MAJIN: variants seen among roughly 807,000 people sequenced by gnomAD.
The protein encoded by MAJIN is membrane anchored junction protein.
A neutral mutation model predicts 30.2 loss-of-function variants in MAJIN; 27 were observed. The ratio of observed to expected loss-of-function variants is 0.89; its 90% CI spans 0.66 to 1.23. The LOEUF (loss-of-function observed/expected upper bound fraction) is 1.23. Among genes scored for constraint, MAJIN ranks in the 50% most tolerant of loss-of-function variants. The pLI, the probability that MAJIN is intolerant of heterozygous loss-of-function variation, is 0.00. For synonymous variants in MAJIN, 78 were observed against 91.6 expected (o/e 0.85, Z 0.85); for missense variants, 253 against 260.3 (o/e 0.97, Z 0.19).
At chr11:64,952,021 A>G (rs1403414479) in intron 4 of MAJIN, among the ~76,000 whole-genome samples, 1 of 151,498 alleles carries the variant, frequency 6.6e-6, no homozygotes, top group East Asian at 1.9e-4. Context: ...CCAAGTAGCT[A>G]GGATTATAGG....
At position 64,940,565 on chromosome 11, in the gene MAJIN, AG is replaced by A; in HGVS notation, c.546+8del. 6.2e-7 allele frequency: 1 copy of A among 1,611,632 alleles called. No individual in the cohort carries two copies. Among genetic ancestry groups the A allele is most frequent in the Non-Finnish European group, 8.5e-7 (1 of 1,177,690 alleles). ...AAAGGAGAATAAATGGAAATTTCCC[AG>A]GACCTACCTTGTTTCTGGACATCAG... On this transcript the variant is annotated splice_region_variant and intron_variant, in intron 9 of 10. Transcript: ENST00000301896.
chr11:64,939,036 T>G (rs1468511083), intron 10 of MAJIN, among the ~76,000 whole-genome samples: 1 of 152,182 alleles, frequency 6.6e-6, no homozygotes, highest in Non-Finnish European at 1.5e-5. Flanking sequence ...TTAAAGTGAT[T>G]CTCCTGCCTC....
chr11:64,952,572 C>T (rs1945570490), intron 4 of MAJIN, among the ~76,000 whole-genome samples: 1 of 152,168 alleles, frequency 6.6e-6, no homozygotes, highest in Non-Finnish European at 1.5e-5. Context: ...GACGGGGAAA[C>T]AGACAAAGAG....
intron 3 of MAJIN, among the ~76,000 whole-genome samples, chr11:64,955,565 G>A (rs1945617815): frequency 6.6e-6 from 1 of 152,126 alleles, no homozygotes; most frequent in Non-Finnish European, 1.5e-5. Context: ...TTCATACTTG[G>A]AAGTTTGACA....
intron 1 of MAJIN, among the ~76,000 whole-genome samples, chr11:64,963,704 G>T (rs1945762546): frequency 6.6e-6 from 1 of 152,072 alleles, no homozygotes; most frequent in Non-Finnish European, 1.5e-5. Flanking sequence ...TGGACATGGT[G>T]GTGGGCACCT....
At chr11:64,953,284 A>G (rs573584244) in intron 4 of MAJIN, among the ~76,000 whole-genome samples, 2 of 152,236 alleles carry the variant, frequency 1.3e-5, no homozygotes, top group East Asian at 3.9e-4. Context: ...CCGAAGTCAA[A>G]CTGTGAATGG....
intron 1 of MAJIN, among the ~76,000 whole-genome samples, chr11:64,969,019 G>C (rs1945855868): frequency 6.6e-6 from 1 of 152,038 alleles, no homozygotes. Context: ...TTAATAAATA[G>C]TTAGATTTGA....
At chr11:64,946,014 G>T in intron 8 of MAJIN, 3 of 1,374,600 alleles carry the variant, frequency 2.2e-6, no homozygotes, top group Non-Finnish European at 2.9e-6. Context: ...CCGGAATCCT[G>T]ACTTGTAACA....
intron 3 of MAJIN, among the ~76,000 whole-genome samples, chr11:64,956,525 ATATTCAT>A (rs1945635095): frequency 6.6e-6 from 1 of 151,914 alleles, no homozygotes; most frequent in African/African-American, 2.4e-5. Context: ...CCTAGGTCAA[ATATTCAT>A]TCAAAGAACA....
chr11:64,970,750 A>G (rs1415714260), intron 1 of MAJIN, among the ~76,000 whole-genome samples: 1 of 152,132 alleles, frequency 6.6e-6, no homozygotes, highest in Admixed American at 6.5e-5. Flanking sequence ...CTTTCTGCCC[A>G]CTTGCCCAGA....
chr11:64,949,764 A>C lies in MAJIN; in HGVS notation c.328T>G (p.Phe110Val). The C allele has an allele frequency of 6.2e-7, 1 of 1,613,064 alleles. No homozygotes were observed. The highest frequency in any genetic ancestry group is 8.5e-7 in the Non-Finnish European group (1 of 1,179,944). Residue 110 changes from phenylalanine to valine, a missense_variant, in exon 6 of 11, where the codon TTC (phenylalanine) becomes GTC (valine). Physicochemically the swap from Phe to Val is conservative, Grantham distance 50. Coordinates refer to ENST00000301896, the MANE Select transcript of MAJIN (RefSeq NM_001037225.3). ...VFTLYVEMKW[F>V]HENLSPGKPI... ...TTACCAGGTGACAGGTTTTCATGGA[A>C]CCATTTCATCTCCACATATAGAGTA...
Position 64,939,270 on chromosome 11 carries a change from T to G in MAJIN, c.*1+392A>C, listed in dbSNP as rs912341495. On this transcript the variant is annotated intron_variant, in intron 10 of 10. Coordinates refer to ENST00000301896, the MANE Select transcript of MAJIN (RefSeq NM_001037225.3). ...GCATGTAGCACCATGCCCGGCTAAT[T>G]TTGTATTTTTAGTAGAGATGGGCTT... 1.6e-4 allele frequency among the ~76,000 whole-genome samples: 25 copies of G among 152,210 alleles called. 3 individuals carry two copies. The highest frequency in any genetic ancestry group is 1.6e-3 in the Admixed American group (25 of 15,300).
chr11:64,961,294 A>T (rs1945718941), intron 1 of MAJIN, among the ~76,000 whole-genome samples: 1 of 150,228 alleles, frequency 6.7e-6, no homozygotes, highest in Non-Finnish European at 1.5e-5. Context: ...CAGCCTCCCG[A>T]GTAGCAGGGA....
At chr11:64,961,156 T>C (rs977615944) in intron 1 of MAJIN, among the ~76,000 whole-genome samples, 2 of 151,944 alleles carry the variant, frequency 1.3e-5, no homozygotes, top group African/African-American at 2.4e-5. Context: ...CCAAGGATTA[T>C]TTTTTTGTTT....
At chr11:64,949,952 C>T in intron 5 of MAJIN, 84 bp from the exon 6 acceptor site, 2 of 1,499,086 alleles carry the variant, frequency 1.3e-6, no homozygotes, top group South Asian at 1.2e-5. Flanking sequence ...TCTCTCCTTC[C>T]CCTGACCTAC....
chr11:64,952,031 G>A (rs1035637601), intron 4 of MAJIN, among the ~76,000 whole-genome samples: 3 of 152,002 alleles, frequency 2.0e-5, no homozygotes, highest in African/African-American at 7.3e-5. Flanking sequence ...AGGATTATAG[G>A]CACACACCAC....
At chr11:64,968,062 G>A (rs980592947) in intron 1 of MAJIN, among the ~76,000 whole-genome samples, 1 of 152,030 alleles carries the variant, frequency 6.6e-6, no homozygotes, top group Non-Finnish European at 1.5e-5. Context: ...AAGTGCAGAT[G>A]TCTGTGATGA....
At chr11:64,939,377 G>C (rs1945338252) in intron 10 of MAJIN, among the ~76,000 whole-genome samples, 1 of 152,230 alleles carries the variant, frequency 6.6e-6, no homozygotes, top group African/African-American at 2.4e-5. Context: ...TGGGATCATA[G>C]GCATGAGCCA....
chr11:64,968,046 A>G (rs755292114), intron 1 of MAJIN, among the ~76,000 whole-genome samples: 4 of 152,046 alleles, frequency 2.6e-5, no homozygotes, highest in Non-Finnish European at 5.9e-5. Flanking sequence ...AAGCAGAAAA[A>G]TCAGCAAGTG....
Sources: gnomAD v4.1 joint callset for allele counts (sites outside exome capture counted in the v4.1 genomes callset) on GRCh38, gnomAD v4.1.1 for gene constraint, MANE v1.5 for transcripts, NCBI Gene and HGNC (gene_info 2026-07-23, HGNC 2026-07-21) for gene names.